The following MACROD2 variants were observed in gnomAD, a reference collection of about 807,000 sequenced individuals.
MACROD2 encodes ADP-ribose glycohydrolase MACROD2.
Under a neutral mutation model 70.4 loss-of-function variants are expected in MACROD2, and 36 were observed. The ratio of observed to expected loss-of-function variants is 0.51; its 90% CI spans 0.39 to 0.68. MACROD2 has a LOEUF of 0.68. Among genes scored for constraint, MACROD2 ranks in the 30% least tolerant of loss-of-function variants. The pLI, the probability that MACROD2 is intolerant of heterozygous loss-of-function variation, is 0.00. For missense variants in MACROD2, 496 were observed against 538.4 expected, an observed-to-expected ratio of 0.92 and a Z score of 0.78; for synonymous variants, 172 against 178.8, an observed-to-expected ratio of 0.96 and a Z score of 0.30.
At chr20:15,065,659 A>G (rs1300081268) in intron 5 of MACROD2, among the ~76,000 whole-genome samples, 1 of 151,538 alleles carries the variant, frequency 6.6e-6, no homozygotes, top group African/African-American at 2.4e-5. Flanking sequence ...GTCTCCAAAA[A>G]AAAAAAAAAA....
chr20:15,370,845 T>G (rs1277678458), intron 6 of MACROD2, among the ~76,000 whole-genome samples: 3 of 152,026 alleles, frequency 2.0e-5, no homozygotes, highest in African/African-American at 7.2e-5. Flanking sequence ...AAGCATAAGG[T>G]AGGGTGGTAA....
intron 3 of MACROD2, among the ~76,000 whole-genome samples, chr20:14,121,435 C>T (rs551627549): frequency 1.7e-4 from 26 of 152,232 alleles, no homozygotes; most frequent in Admixed American, 1.4e-3. Context: ...CTTAATAATT[C>T]GGTAGAAACT....
intron 3 of MACROD2, among the ~76,000 whole-genome samples, chr20:14,206,713 A>G (rs1030337892): frequency 1.3e-5 from 2 of 151,086 alleles, no homozygotes; most frequent in Non-Finnish European, 1.5e-5. Context: ...ATGGTTATCA[A>G]TGTTTTAGGC....
chr20:15,392,307 T>C (rs1568771750), intron 6 of MACROD2, among the ~76,000 whole-genome samples: 1 of 152,202 alleles, frequency 6.6e-6, no homozygotes, highest in Non-Finnish European at 1.5e-5. Flanking sequence ...TTTATTATGA[T>C]TGGTTTTCTA....
intron 5 of MACROD2, among the ~76,000 whole-genome samples, chr20:15,113,818 C>A (rs2075973674): frequency 6.9e-6 from 1 of 144,754 alleles, no homozygotes; most frequent in African/African-American, 2.5e-5. Flanking sequence ...GGTTTTTCAG[C>A]TGTTCTTTTT....
chr20:15,775,102 A>G (rs1240378904), intron 8 of MACROD2, among the ~76,000 whole-genome samples: 1 of 152,090 alleles, frequency 6.6e-6, no homozygotes, highest in African/African-American at 2.4e-5. Flanking sequence ...GGCAAAGGGA[A>G]CAGGAATTTA....
chr20:15,060,484 C>T (rs936415831), intron 5 of MACROD2, among the ~76,000 whole-genome samples: 4 of 152,210 alleles, frequency 2.6e-5, no homozygotes, highest in African/African-American at 9.6e-5. Context: ...GCATTTCCCT[C>T]TCTATGAACC....
intron 7 of MACROD2, among the ~76,000 whole-genome samples, chr20:15,484,772 C>T (rs574166784): frequency 7.9e-4 from 121 of 152,256 alleles, no homozygotes; most frequent in Admixed American, 1.7e-3. Context: ...GAATGGATCC[C>T]CTTGGAGTTT....
chr20:15,781,197 A>T (rs1280941047), intron 8 of MACROD2, among the ~76,000 whole-genome samples: 2 of 152,182 alleles, frequency 1.3e-5, no homozygotes, highest in Non-Finnish European at 2.9e-5. Context: ...CATACATAAT[A>T]TGCCTAAGGT....
Position 14,304,772 on chromosome 20 carries a change from GTT to G in MACROD2, c.272-188695_272-188694del, listed in dbSNP as rs11475241. Among the ~76,000 whole-genome samples, 253 of 143,562 alleles carry G rather than the reference GTT, an allele frequency of 1.8e-3. 1 individual carries two copies. The highest frequency in any genetic ancestry group is 3.2e-3 in the African/African-American group (125 of 39,182). The allele number at this position is 143,562 out of a possible 152,430, so 94.2% of individuals were successfully genotyped here. ...TTATTTTTGTCTTTGTCTTTTTTATGTTTTTTTTTTTTTGGTCTGTATAAAAT... is the reference window on the plus strand; with the variant it reads ...TTATTTTTGTCTTTGTCTTTTTTATGTTTTTTTTTTTGGTCTGTATAAAAT... On this transcript the variant is annotated intron_variant, in intron 3 of 17. Transcript: ENST00000684519.
chr20:15,482,426 G>A (rs2047109926), intron 7 of MACROD2, among the ~76,000 whole-genome samples: 1 of 151,970 alleles, frequency 6.6e-6, no homozygotes, highest in Non-Finnish European at 1.5e-5. Flanking sequence ...TCCAAAACAC[G>A]GACAATACCA....
At chr20:14,944,518 A>G (rs1007210372) in intron 5 of MACROD2, among the ~76,000 whole-genome samples, 69 of 152,276 alleles carry the variant, frequency 4.5e-4, no homozygotes, top group African/African-American at 1.5e-3. Context: ...TCTGCTGTCA[A>G]TTTGACATCA....
In MACROD2 at chr20:15,020,949, A is replaced by C. The variant is rs1174759630; in HGVS notation, c.419-208991A>C. 5.3e-5 allele frequency among the ~76,000 whole-genome samples: 8 copies of C among 150,400 alleles called. 1 individual carries two copies. The highest frequency in any genetic ancestry group is 4.6e-4 in the Admixed American group (7 of 15,148). On this transcript the variant is annotated intron_variant, in intron 5 of 17. Coordinates refer to ENST00000684519, the MANE Select transcript of MACROD2 (RefSeq NM_001351661.2). ...CACATATATATGTATACATATGTAT[A>C]CATATATATGTAATGTGTGTATACA... is the stretch of plus-strand genomic sequence containing the variant.
At chr20:14,958,483 G>A (rs1487625579) in intron 5 of MACROD2, among the ~76,000 whole-genome samples, 1 of 152,142 alleles carries the variant, frequency 6.6e-6, no homozygotes, top group Non-Finnish European at 1.5e-5. Flanking sequence ...GGGGCACCAA[G>A]ATTTGCATTT....
chr20:14,197,708 A>G (rs1394882278), intron 3 of MACROD2, among the ~76,000 whole-genome samples: 4 of 152,112 alleles, frequency 2.6e-5, no homozygotes, highest in African/African-American at 9.7e-5. Context: ...TGGAGGTTGC[A>G]GTAAGCCGAG....
intron 17 of MACROD2, among the ~76,000 whole-genome samples, chr20:16,049,287 A>T (rs2067425809): frequency 6.6e-6 from 1 of 152,146 alleles, no homozygotes; most frequent in African/African-American, 2.4e-5. Flanking sequence ...CTGTAGGCAG[A>T]TTATACCTCA....
intron 3 of MACROD2, among the ~76,000 whole-genome samples, chr20:14,462,544 T>A (rs1018726223): frequency 1.4e-4 from 22 of 151,940 alleles, no homozygotes; most frequent in Non-Finnish European, 2.6e-4. Context: ...TTTAATTAGA[T>A]CCCATTTGTC....
At chr20:15,498,347 A>G (rs1394161281) in intron 7 of MACROD2, among the ~76,000 whole-genome samples, 2 of 152,302 alleles carry the variant, frequency 1.3e-5, no homozygotes, top group Non-Finnish European at 1.5e-5. Context: ...TTGCCCTCCA[A>G]TAAAACTGGG....
intron 10 of MACROD2, among the ~76,000 whole-genome samples, chr20:15,899,594 T>C (rs2065034025): frequency 6.6e-6 from 1 of 152,240 alleles, no homozygotes; most frequent in Non-Finnish European, 1.5e-5. Flanking sequence ...TTTCAAACAG[T>C]AATTTTCTAC....
Sources: allele counts gnomAD v4.1 joint callset (sites outside exome capture counted in the v4.1 genomes callset), GRCh38; gene constraint gnomAD v4.1.1; transcripts MANE v1.5; gene names NCBI Gene and HGNC (gene_info 2026-07-23, HGNC 2026-07-21).